Variants in ERBB4 observed in about 807,000 individuals in gnomAD.
The protein encoded by ERBB4 is receptor tyrosine-protein kinase erbB-4.
A neutral mutation model predicts 158.0 loss-of-function variants in ERBB4; 42 were observed. The ratio of observed to expected loss-of-function variants is 0.27; its 90% confidence interval spans 0.21 to 0.34. The LOEUF (loss-of-function observed/expected upper bound fraction) is 0.34. Among genes scored for constraint, ERBB4 ranks in the 10% least tolerant of loss-of-function variants. ERBB4 has a pLI of 1.00. For synonymous variants in ERBB4, 583 were observed against 558.7 expected, an observed-to-expected ratio of 1.04 and a Z score of -0.61; for missense variants, 1,333 against 1,624.1, an observed-to-expected ratio of 0.82 and a Z score of 3.08.
intron 12 of ERBB4, among the ~76,000 whole-genome samples, chr2:211,698,914 C>A (rs2073127284): frequency 6.6e-6 from 1 of 152,194 alleles, no homozygotes; most frequent in Non-Finnish European, 1.5e-5. Context: ...CTTTTCATGT[C>A]CCAGAGTTTC....
intron 1 of ERBB4, among the ~76,000 whole-genome samples, chr2:212,180,893 T>G (rs2081837828): frequency 6.6e-6 from 1 of 151,758 alleles, no homozygotes; most frequent in Non-Finnish European, 1.5e-5. Flanking sequence ...CCTCTATAGT[T>G]GCACTTCTGT....
chr2:212,159,593 T>C (rs1194696804), intron 1 of ERBB4, among the ~76,000 whole-genome samples: 1 of 151,934 alleles, frequency 6.6e-6, no homozygotes, highest in Non-Finnish European at 1.5e-5. Context: ...CTTTCCCAAG[T>C]TGGGTATGAC....
intron 1 of ERBB4, among the ~76,000 whole-genome samples, chr2:212,311,441 C>T (rs2087039827): frequency 1.3e-5 from 2 of 150,812 alleles, no homozygotes; most frequent in African/African-American, 4.8e-5. Flanking sequence ...AATCCTATCA[C>T]CATAGAGTTG....
rs575123779 is a variant in ERBB4 at position 211,383,810 on chromosome 2, G to A, written c.3732C>T (p.Asn1244=). The A allele has an allele frequency of 5.6e-6, 9 of 1,614,130 alleles. No individual in the cohort carries two copies. The South Asian group carries it at 7.7e-5, about 14-fold the overall frequency. ...GGGTGCTCCGAGGTGGCAGGCTGTG[G>A]TTCCAGTAGTCAGGGTTGTCAAACG... ...KKAFDNPDYW[N]HSLPPRSTLQ... Residue 1244 remains asparagine (N), a synonymous_variant, in exon 28 of 28, where the codon AAC becomes AAT. Transcript: ENST00000342788.
chr2:211,823,671 C>A (rs2077040264), intron 3 of ERBB4, among the ~76,000 whole-genome samples: 1 of 151,954 alleles, frequency 6.6e-6, no homozygotes, highest in Admixed American at 6.6e-5. Context: ...ATTCATATTT[C>A]TACTGCATTA....
intron 1 of ERBB4, among the ~76,000 whole-genome samples, chr2:212,431,606 T>A (rs1264818344): frequency 1.3e-5 from 2 of 152,194 alleles, no homozygotes; most frequent in Admixed American, 6.5e-5. Flanking sequence ...CATTCCTCAA[T>A]GGCTTCTCCT....
chr2:211,791,025 T>C (rs1453534381), intron 3 of ERBB4, among the ~76,000 whole-genome samples: 1 of 151,956 alleles, frequency 6.6e-6, no homozygotes, highest in African/African-American at 2.4e-5. Flanking sequence ...TTTACATTTT[T>C]AAAATATGAA....
chr2:212,214,408 T>C (rs1374075082), intron 1 of ERBB4, among the ~76,000 whole-genome samples: 1 of 151,822 alleles, frequency 6.6e-6, no homozygotes, highest in African/African-American at 2.4e-5. Flanking sequence ...AGTTTTAGAA[T>C]ATATTTTGGG....
intron 3 of ERBB4, among the ~76,000 whole-genome samples, chr2:211,843,857 C>G (rs965074767): frequency 1.3e-5 from 2 of 151,848 alleles, no homozygotes; most frequent in African/African-American, 4.8e-5. Context: ...GCAGGTTTGA[C>G]AATATTTATA....
At chr2:211,505,243 C>G (rs891830178) in intron 20 of ERBB4, among the ~76,000 whole-genome samples, 2 of 151,944 alleles carry the variant, frequency 1.3e-5, no homozygotes, top group Admixed American at 1.3e-4. Context: ...CTCAGACTAA[C>G]AACAAATTTC....
At chr2:211,726,841 A>G (rs762847977) in intron 5 of ERBB4, among the ~76,000 whole-genome samples, 38 of 152,186 alleles carry the variant, frequency 2.5e-4, no homozygotes, top group Admixed American at 2.0e-4. Context: ...TTAAACCTTA[A>G]GCAAGGGACA....
chr2:211,435,714 G>T (rs908440700), intron 20 of ERBB4, among the ~76,000 whole-genome samples: 1 of 152,174 alleles, frequency 6.6e-6, no homozygotes, highest in Admixed American at 6.5e-5. Context: ...AATGCCTGAT[G>T]GTTTGAGGTA....
intron 1 of ERBB4, among the ~76,000 whole-genome samples, chr2:212,157,097 T>C (rs1234322982): frequency 6.6e-6 from 1 of 152,078 alleles, no homozygotes; most frequent in Non-Finnish European, 1.5e-5. Context: ...ATACCATACT[T>C]CTTAAAATGG....
At chr2:212,130,319 CA>C (rs1282115497) in intron 1 of ERBB4, among the ~76,000 whole-genome samples, 1 of 152,108 alleles carries the variant, frequency 6.6e-6, no homozygotes, top group African/African-American at 2.4e-5. Flanking sequence ...ATAAAATCCT[CA>C]ATTATTCTAT....
chr2:212,492,812 A>C (rs1203000210), intron 1 of ERBB4, among the ~76,000 whole-genome samples: 1 of 151,506 alleles, frequency 6.6e-6, no homozygotes, highest in African/African-American at 2.4e-5. Context: ...CTTTGGCAGA[A>C]AGAAGCTAAA....
At chr2:211,460,940 G>T (rs987810412) in intron 20 of ERBB4, among the ~76,000 whole-genome samples, 3 of 152,012 alleles carry the variant, frequency 2.0e-5, no homozygotes, top group Non-Finnish European at 4.4e-5. Flanking sequence ...CAGGTATATT[G>T]CTCTTCTCTT....
At chr2:211,743,346 T>A (rs983062698) in intron 5 of ERBB4, among the ~76,000 whole-genome samples, 3 of 151,938 alleles carry the variant, frequency 2.0e-5, no homozygotes, top group Non-Finnish European at 4.4e-5. Flanking sequence ...CCCTCCTCAC[T>A]CAAAATGCAG....
chr2:211,826,561 CTCTG>C (rs1244887768), intron 3 of ERBB4, among the ~76,000 whole-genome samples: 1 of 151,808 alleles, frequency 6.6e-6, no homozygotes, highest in African/African-American at 2.4e-5. Context: ...GGGAGTAGAT[CTCTG>C]TCTGTTTTAT....
intron 2 of ERBB4, among the ~76,000 whole-genome samples, chr2:211,972,936 C>T (rs1424819210): frequency 6.6e-6 from 1 of 152,046 alleles, no homozygotes; most frequent in African/African-American, 2.4e-5. Flanking sequence ...AGTTTCTGCA[C>T]AGCAAAAGAA....
Sources: gnomAD v4.1 joint callset for allele counts (sites outside exome capture counted in the v4.1 genomes callset) on GRCh38, gnomAD v4.1.1 for gene constraint, MANE v1.5 for transcripts, NCBI Gene and HGNC (gene_info 2026-07-23, HGNC 2026-07-21) for gene names.